The following ABAT variants were observed in gnomAD, a reference collection of about 807,000 sequenced individuals.
The protein encoded by ABAT is 4-aminobutyrate aminotransferase, mitochondrial.
ABAT carries 45 observed loss-of-function variants against 64.6 expected under a neutral mutation model. The ratio of observed to expected loss-of-function variants is 0.70; its 90% CI spans 0.55 to 0.89. The LOEUF (loss-of-function observed/expected upper bound fraction) is 0.89. Ranked by LOEUF, ABAT falls within the 40% of genes least tolerant of loss-of-function variation. ABAT has a pLI of 0.00. For synonymous variants in ABAT, 297 were observed against 250.5 expected (o/e 1.19, Z -1.75); for missense variants, 633 against 658.4 (o/e 0.96, Z 0.42).
At chr16:8,724,746 C>CAAA (rs869130725) in intron 1 of ABAT, among the ~76,000 whole-genome samples, 3 of 6,566 alleles carry the variant, frequency 4.6e-4, no homozygotes, top group African/African-American at 8.9e-4. Context: ...AAAAAAAAAA[C>CAAA]AAAAAAAAAA....
rs544219762 is a variant in ABAT at position 8,682,230 on chromosome 16, G to C, written c.-42+7519G>C. On this transcript the variant is annotated intron_variant, in intron 1 of 15. Transcript: ENST00000268251. ...ACACACACACACACACACACACAGA[G>C]GAGGCATTCAGGATGTATTTGTTGG... Among the ~76,000 whole-genome samples the C allele has an allele frequency of 9.4e-3, 1,050 of 111,814 alleles. 16 individuals carry two copies. Among genetic ancestry groups the C allele is most frequent in the Non-Finnish European group, 0.016 (795 of 50,870 alleles). 73.4% of individuals were successfully genotyped at this position (111,814 alleles called of 152,430 possible).
At chr16:8,771,079 T>C (rs2060091978) in intron 11 of ABAT, among the ~76,000 whole-genome samples, 1 of 152,104 alleles carries the variant, frequency 6.6e-6, no homozygotes, top group South Asian at 2.1e-4. Context: ...GCAGATCACC[T>C]GAGGTCAGGA....
Position 8,764,196 on chromosome 16 carries a change from C to G in ABAT, c.447+47C>G, listed in dbSNP as rs550772171. On this transcript the variant is annotated intron_variant, in intron 7 of 15. Coordinates refer to ENST00000268251, the MANE Select transcript of ABAT (RefSeq NM_020686.6). The surrounding 1 kb of genome is among the most constrained non-coding windows in gnomAD (Gnocchi z 4.2). Reference sequence around the variant, plus strand: ...CCATTGTCTTCAGACGTGGTACTGGCAGGGGAAGGGAAAAGTGGAGACGCC... The same window carrying G: ...CCATTGTCTTCAGACGTGGTACTGGGAGGGGAAGGGAAAAGTGGAGACGCC... 6 of 1,517,564 alleles carry G rather than the reference C, an allele frequency of 4.0e-6. No individual in the cohort carries two copies. The African/African-American group carries it at 6.8e-5, about 17-fold the overall frequency. The allele number at this position is 1,517,564 out of a possible 1,614,324, so 94.0% of individuals were successfully genotyped here. A position where few individuals can be genotyped will look rare whatever the true frequency, so the allele number is the denominator to read the frequency against.
Position 8,772,870 on chromosome 16 carries a change from C to T in ABAT, c.907C>T (p.His303Tyr), listed in dbSNP as rs1187165648. Residue 303 changes from histidine to tyrosine, a missense_variant, in exon 12 of 16, where the codon CAC becomes TAC. Physicochemically the swap from His to Tyr is moderately conservative, Grantham distance 83 (BLOSUM62 2). Coordinates refer to ENST00000268251, the MANE Select transcript of ABAT (RefSeq NM_020686.6). Reference protein sequence around the residue: ...EPIQSEGGDNHASDDFFRKLR... With the variant: ...EPIQSEGGDNYASDDFFRKLR... The stretch of plus-strand genomic sequence containing the variant: ...CATCCAGTCCGAGGGTGGAGACAAC[C>T]ACGCATCCGATGACTTCTTTCGGAA... 2 of 1,613,886 alleles carry T rather than the reference C, an allele frequency of 1.2e-6. No homozygotes were observed. Among genetic ancestry groups the T allele is most frequent in the East Asian group, 4.5e-5 (2 of 44,890 alleles).
intron 11 of ABAT, among the ~76,000 whole-genome samples, chr16:8,771,961 C>T (rs189730636): frequency 2.1e-4 from 32 of 152,118 alleles, no homozygotes; most frequent in Admixed American, 3.3e-4. Context: ...ACATGAACCG[C>T]GCTATGTTGC....
intron 1 of ABAT, chr16:8,722,929 C>G (rs973556137): frequency 8.4e-7 from 1 of 1,192,708 alleles, no homozygotes; most frequent in Non-Finnish European, 1.1e-6. Flanking sequence ...TCTTAGAGTC[C>G]GAACGGGCCT....
Position 8,707,325 on chromosome 16 carries a change from T to C in ABAT, c.-41-28374T>C, listed in dbSNP as rs1334784313. On this transcript the variant is annotated intron_variant, in intron 1 of 15. Transcript: ENST00000268251. ...CCTCAGCCTACCTTGTAGCTGGGACTATAGGCACACACTACCATGCCAGGG... is the reference window on the plus strand; with the variant it reads ...CCTCAGCCTACCTTGTAGCTGGGACCATAGGCACACACTACCATGCCAGGG... 2.0e-5 allele frequency among the ~76,000 whole-genome samples: 3 copies of C among 149,378 alleles called. No individual in the cohort carries two copies. The East Asian group carries it at 5.9e-4, about 29-fold the overall frequency.
intron 1 of ABAT, among the ~76,000 whole-genome samples, chr16:8,676,993 A>C (rs79937832): frequency 0.061 from 9,278 of 152,210 alleles, 412 homozygotes; most frequent in Admixed American, 0.12. Flanking sequence ...GTTCCCAGCT[A>C]AAGGATTGGT....
intron 2 of ABAT, among the ~76,000 whole-genome samples, chr16:8,741,197 T>C (rs996030927): frequency 6.6e-6 from 1 of 152,278 alleles, no homozygotes; most frequent in Non-Finnish European, 1.5e-5. Flanking sequence ...ATGTGTTATT[T>C]TATTCAAGAA....
chr16:8,779,180 G>A (rs1189626469), intron 14 of ABAT, among the ~76,000 whole-genome samples: 2 of 152,230 alleles, frequency 1.3e-5, no homozygotes, highest in African/African-American at 4.8e-5. Flanking sequence ...TTATAGCAGG[G>A]TAAACAGAGG....
chr16:8,767,005 T>A (rs993680832), intron 9 of ABAT, among the ~76,000 whole-genome samples: 1 of 152,056 alleles, frequency 6.6e-6, no homozygotes, highest in African/African-American at 2.4e-5. Context: ...ACAAGAGGGT[T>A]TCTGGAATCT....
chr16:8,722,836 C>G (rs1434359679), intron 1 of ABAT: 3 of 1,289,008 alleles, frequency 2.3e-6, no homozygotes, highest in Non-Finnish European at 3.0e-6. Flanking sequence ...ACTAATGCAA[C>G]TTCGAGGTAG....
At chr16:8,735,835 A>G (rs1417728217) in intron 2 of ABAT, 26 bp downstream of exon 2, 5 of 1,572,266 alleles carry the variant, frequency 3.2e-6, no homozygotes, top group Non-Finnish European at 4.3e-6. Flanking sequence ...CTTGATAAGA[A>G]CTGGTACTAA....
intron 1 of ABAT, among the ~76,000 whole-genome samples, chr16:8,734,392 C>G (rs926382898): frequency 1.3e-5 from 2 of 151,960 alleles, no homozygotes; most frequent in Admixed American, 1.3e-4. Flanking sequence ...CAATGGAGTA[C>G]TTGTTGCAAA....
chr16:8,684,591 C>T (rs1430406509), intron 1 of ABAT, among the ~76,000 whole-genome samples: 1 of 151,910 alleles, frequency 6.6e-6, no homozygotes, highest in Non-Finnish European at 1.5e-5. Flanking sequence ...TGGTAATGTG[C>T]ACCTGTAGTC....
At chr16:8,744,106 G>C (rs938759614) in intron 2 of ABAT, among the ~76,000 whole-genome samples, 8 of 152,138 alleles carry the variant, frequency 5.3e-5, no homozygotes, top group African/African-American at 1.9e-4. Flanking sequence ...AATGTGAAAT[G>C]CATTCAAACA....
intron 2 of ABAT, 142 bp from the exon 3 acceptor site, chr16:8,745,859 C>A: frequency 2.6e-6 from 2 of 778,576 alleles, no homozygotes; most frequent in Non-Finnish European, 2.2e-6. Context: ...TCTGTCCAGA[C>A]ACAGTGTTCT....
At chr16:8,761,735 A>C (rs1024798502) in intron 6 of ABAT, among the ~76,000 whole-genome samples, 35 of 152,158 alleles carry the variant, frequency 2.3e-4, no homozygotes, top group African/African-American at 8.4e-4. Flanking sequence ...GGTCTTCCGC[A>C]TTTTTGGCTG....
intron 1 of ABAT, among the ~76,000 whole-genome samples, chr16:8,728,546 C>G (rs1030334089): frequency 1.9e-5 from 2 of 104,056 alleles, no homozygotes; most frequent in African/African-American, 6.6e-5. Context: ...AGTCGGATAT[C>G]CTGGAATAGA....
Sources: allele counts gnomAD v4.1 joint callset (sites outside exome capture counted in the v4.1 genomes callset), GRCh38; gene constraint gnomAD v4.1.1; non-coding constraint Gnocchi (gnomAD v3.1); transcripts MANE v1.5; gene names NCBI Gene and HGNC (gene_info 2026-07-23, HGNC 2026-07-21).